The following ADH7 variants were observed in gnomAD, a reference collection of about 807,000 sequenced individuals.
ADH7 encodes the protein alcohol dehydrogenase 7 (class IV), mu or sigma polypeptide.
ADH7 carries 41 observed loss-of-function variants against 34.4 expected under a neutral mutation model. That is an observed-to-expected ratio of 1.19 (90% CI 0.93 to 1.55). The LOEUF (loss-of-function observed/expected upper bound fraction) is 1.55. Ranked by LOEUF, ADH7 falls within the 40% of genes most tolerant of loss-of-function variation. The pLI, the probability that ADH7 is intolerant of heterozygous loss-of-function variation, is 0.00. For synonymous variants in ADH7, 180 were observed against 160.9 expected (o/e 1.12, Z -0.90); for missense variants, 540 against 461.2 (o/e 1.17, Z -1.56).
intron 1 of ADH7, chr4:99,432,477 A>AAAAGTC (rs1183916082): frequency 6.6e-6 from 1 of 152,214 alleles, no homozygotes; most frequent in Non-Finnish European, 1.5e-5. Context: ...AAAAGTTAAA[A>AAAAGTC]AAAGTCATAA....
Position 99,428,158 on chromosome 4 carries a change from A to G in ADH7, c.276T>C (p.Pro92=). Residue 92 remains proline, a synonymous_variant, in exon 4 of 9, where the codon CCT becomes CCC. Coordinates refer to ENST00000437033, the MANE Select transcript of ADH7 (RefSeq NM_000673.7). ...TTVKPGDKVI[P]LFLPQCRECN... is the part of the protein sequence containing the mutation. The stretch of plus-strand genomic sequence containing the variant: ...ATTCTCTACATTGTGGCAGAAAGAG[A>G]GGGATGACTTTGTCACCTACAGGAA... The G allele has an allele frequency of 6.2e-7, 1 of 1,613,914 alleles. No individual in the cohort carries two copies. The highest frequency in any genetic ancestry group is 1.1e-5 in the South Asian group (1 of 91,064).
At chr4:99,433,031 A>T (rs1721971892) in intron 1 of ADH7, among the ~76,000 whole-genome samples, 1 of 152,182 alleles carries the variant, frequency 6.6e-6, no homozygotes, top group African/African-American at 2.4e-5. Context: ...ATTGTCAGAT[A>T]AATGGTAAAA....
chr4:99,422,471 G>T (rs1379126798), intron 5 of ADH7, among the ~76,000 whole-genome samples: 2 of 152,154 alleles, frequency 1.3e-5, no homozygotes, highest in Non-Finnish European at 2.9e-5. Flanking sequence ...CATGGACACA[G>T]AGAGGGGAAC....
At chr4:99,428,326 G>C in intron 3 of ADH7, 152 bp from the exon 4 acceptor site, 2 of 1,250,094 alleles carry the variant, frequency 1.6e-6, no homozygotes, top group South Asian at 2.9e-5. Context: ...TAAAGGTTGA[G>C]GTTTTGCCAA....
At chr4:99,431,314 TA>T (rs1270373664) in intron 1 of ADH7, among the ~76,000 whole-genome samples, 1 of 152,114 alleles carries the variant, frequency 6.6e-6, no homozygotes. Flanking sequence ...ATATCATACA[TA>T]AAAGTTAACT....
chr4:99,421,191 A>C (rs929361648), intron 5 of ADH7, among the ~76,000 whole-genome samples: 1 of 152,176 alleles, frequency 6.6e-6, no homozygotes, highest in African/African-American at 2.4e-5. Flanking sequence ...CCATATAGCC[A>C]AGACAATCCT....
At chr4:99,434,907 G>A (rs1352967775) in intron 1 of ADH7, 2 of 825,730 alleles carry the variant, frequency 2.4e-6, no homozygotes, top group Non-Finnish European at 3.8e-6. Flanking sequence ...GAAACATTTG[G>A]CTTCCTGGAG....
chr4:99,430,225 T>C (rs535358855), intron 1 of ADH7: 2 of 152,318 alleles, frequency 1.3e-5, no homozygotes, highest in Non-Finnish European at 2.9e-5. Context: ...TGTCTGCATC[T>C]CTGCATCCCA....
At chr4:99,415,288 G>T in intron 8 of ADH7, 190 bp downstream of exon 8, 1 of 592,790 alleles carries the variant, frequency 1.7e-6, no homozygotes, top group Non-Finnish European at 2.8e-6. Context: ...CCAGTCTCGG[G>T]CAGTTTTTTT....
intron 5 of ADH7, among the ~76,000 whole-genome samples, chr4:99,427,244 T>C (rs1305925968): frequency 6.6e-6 from 1 of 152,192 alleles, no homozygotes; most frequent in Non-Finnish European, 1.5e-5. Context: ...CAAACACTAC[T>C]GTATTTTATT....
rs748359158 is a variant in ADH7, at chr4:99,415,581, T to C, written c.997A>G (p.Thr333Ala). The change falls in exon 8 of 9, where the codon ACT (threonine) becomes GCT (alanine). Residue 333 changes from threonine to alanine, a missense_variant. Coordinates refer to ENST00000437033, the MANE Select transcript of ADH7 (RefSeq NM_000673.7). ...TCAAATTTCTTTGCCAGGAACTCAGTCACTAGTTTTGGGACATCATCTCTG... is the reference window on the plus strand; with the variant it reads ...TCAAATTTCTTTGCCAGGAACTCAGCCACTAGTTTTGGGACATCATCTCTG... ...KSRDDVPKLVTEFLAKKFDLD... is the reference protein window; with the variant it reads ...KSRDDVPKLVAEFLAKKFDLD... 1 of 1,613,608 alleles carries C rather than the reference T, an allele frequency of 6.2e-7. No individual in the cohort carries two copies. The highest frequency in any genetic ancestry group is 1.1e-5 in the South Asian group (1 of 91,002).
In ADH7 at chr4:99,429,603, C is replaced by T. The variant is rs776781245; in HGVS notation, c.49G>A (p.Glu17Lys). The T allele has an allele frequency of 6.2e-7, 1 of 1,611,462 alleles. No individual in the cohort carries two copies. Among genetic ancestry groups the T allele is most frequent in the Non-Finnish European group, 8.5e-7 (1 of 1,178,738 alleles). Reference protein sequence around the residue: ...VIKCKAAVLWEQKQPFSIEEI... With the variant: ...VIKCKAAVLWKQKQPFSIEEI... The stretch of plus-strand genomic sequence containing the variant: ...TCAATGGAGAAGGGTTGCTTCTGCT[C>T]CCAAAGCACAGCTGCTTTGCATTTA... Residue 17 changes from glutamate to lysine, a missense_variant, in exon 2 of 9, where the codon GAG becomes AAG. Physicochemically the swap from Glu to Lys is moderately conservative, Grantham distance 56 (BLOSUM62 1). Transcript: ENST00000437033.
chr4:99,424,012 G>T (rs1579576526), intron 5 of ADH7, among the ~76,000 whole-genome samples: 1 of 151,896 alleles, frequency 6.6e-6, no homozygotes, highest in South Asian at 2.1e-4. Flanking sequence ...ATGGTTTTAG[G>T]TCTAATGTTT....
At chr4:99,419,161 T>C (rs374949350) in intron 6 of ADH7, 40 bp from the exon 7 acceptor site, 52 of 1,597,138 alleles carry the variant, frequency 3.3e-5, no homozygotes, top group Non-Finnish European at 4.2e-5. Context: ...TTCCTGTGTC[T>C]CTTACAGTGT....
chr4:99,420,825 G>A (rs764130750), intron 5 of ADH7, 32 bp from the exon 6 acceptor site: 7 of 1,601,954 alleles, frequency 4.4e-6, no homozygotes, highest in Non-Finnish European at 5.1e-6. Context: ...AACATGTTAG[G>A]TGTTAGGGTC....
chr4:99,427,625 T>A (rs1579578853), intron 5 of ADH7, 148 bp downstream of exon 5: 4 of 471,728 alleles, frequency 8.5e-6, no homozygotes, highest in East Asian at 7.0e-5. Context: ...TTTCTTTTAG[T>A]TGATTTGGCA....
intron 6 of ADH7, among the ~76,000 whole-genome samples, chr4:99,419,496 T>C (rs1367227765): frequency 6.6e-6 from 1 of 152,110 alleles, no homozygotes; most frequent in East Asian, 1.9e-4. Flanking sequence ...GTTTTTTTTT[T>C]AAGTTTAGTC....
intron 2 of ADH7, among the ~76,000 whole-genome samples, chr4:99,429,117 T>C (rs1240491946): frequency 1.3e-5 from 2 of 152,190 alleles, no homozygotes; most frequent in Non-Finnish European, 2.9e-5. Flanking sequence ...TTAAGCTCTG[T>C]CCAAAGAAAG....
intron 6 of ADH7, among the ~76,000 whole-genome samples, chr4:99,419,365 C>T (rs1154458): frequency 5.3e-5 from 8 of 151,920 alleles, no homozygotes; most frequent in South Asian, 2.1e-4. Flanking sequence ...GTGTACCATG[C>T]ACTAAAATAC....
Sources: allele counts gnomAD v4.1 joint callset (sites outside exome capture counted in the v4.1 genomes callset), GRCh38; gene constraint gnomAD v4.1.1; transcripts MANE v1.5; gene names NCBI Gene and HGNC (gene_info 2026-07-23, HGNC 2026-07-21).